FRMD4A: variants seen among roughly 807,000 people sequenced by gnomAD.
The protein encoded by FRMD4A is FERM domain containing 4A.
Under a neutral mutation model 129.1 loss-of-function variants are expected in FRMD4A, and 29 were observed. The observed-to-expected ratio is 0.22, with a 90% CI of 0.17 to 0.31. The LOEUF is 0.31. FRMD4A is among the 10% of genes least tolerant of loss of function. The pLI is 1.00. For synonymous variants in FRMD4A, 634 were observed against 571.6 expected (o/e 1.11, Z -1.56); for missense variants, 1,272 against 1,375.8 (o/e 0.92, Z 1.19).
At chr10:13,969,075 T>C (rs2095502505) in intron 2 of FRMD4A, among the ~76,000 whole-genome samples, 1 of 152,196 alleles carries the variant, frequency 6.6e-6, no homozygotes, top group Non-Finnish European at 1.5e-5. Flanking sequence ...GTTGGTAATC[T>C]TGGACCTCCT....
In FRMD4A at chr10:13,789,247, T is replaced by C. The variant is rs557861587; in HGVS notation, c.300-6241A>G. Among the ~76,000 whole-genome samples, 121 of 152,308 alleles carry C rather than the reference T, an allele frequency of 7.9e-4. 3 individuals carry two copies. In the South Asian group the frequency reaches 0.023, roughly 30 times the overall value. ...TTTTAGATCCATGCCATCATTGTTA[T>C]TGCGAGTGACAGGAAGTAGCAGCTG... is the stretch of plus-strand genomic sequence containing the variant. On this transcript the variant is annotated intron_variant, in intron 5 of 24. Transcript: ENST00000357447.
intron 14 of FRMD4A, among the ~76,000 whole-genome samples, chr10:13,699,416 T>C (rs1323212432): frequency 1.3e-5 from 2 of 151,828 alleles, no homozygotes; most frequent in Non-Finnish European, 2.9e-5. Flanking sequence ...TGTCAGTGAG[T>C]TGACCTGTTA....
At chr10:13,846,222 T>C (rs1727701477) in intron 3 of FRMD4A, among the ~76,000 whole-genome samples, 1 of 152,222 alleles carries the variant, frequency 6.6e-6, no homozygotes, top group African/African-American at 2.4e-5. Context: ...AAATTCAGGT[T>C]CAATCTATTA....
intron 2 of FRMD4A, among the ~76,000 whole-genome samples, chr10:13,881,289 G>T (rs182369236): frequency 1.2e-3 from 185 of 151,940 alleles, no homozygotes; most frequent in Admixed American, 0.011. Flanking sequence ...TGGGCATGGT[G>T]GTGCATGCCT....
At chr10:14,160,891 G>A (rs1368965137) in intron 2 of FRMD4A, among the ~76,000 whole-genome samples, 2 of 152,174 alleles carry the variant, frequency 1.3e-5, no homozygotes, top group African/African-American at 2.4e-5. Context: ...GTGGAGAAAA[G>A]GGAATTCACA....
chr10:14,088,640 T>C (rs1036480586), intron 2 of FRMD4A, among the ~76,000 whole-genome samples: 6 of 151,456 alleles, frequency 4.0e-5, no homozygotes, highest in African/African-American at 1.5e-4. Flanking sequence ...TGATGGCGCA[T>C]GCCTGTGGTC....
intron 2 of FRMD4A, chr10:13,971,924 A>T (rs1183593954): frequency 8.1e-7 from 1 of 1,235,732 alleles, no homozygotes; most frequent in Admixed American, 2.6e-5. Flanking sequence ...ATGCAGTCCA[A>T]ATAACTCTGA....
chr10:14,176,320 T>C (rs909252867), intron 2 of FRMD4A, among the ~76,000 whole-genome samples: 1 of 152,198 alleles, frequency 6.6e-6, no homozygotes, highest in African/African-American at 2.4e-5. Flanking sequence ...TCTGTGGGAT[T>C]GCAAACCTTC....
chr10:14,207,681 G>C (rs1842823733), intron 2 of FRMD4A, among the ~76,000 whole-genome samples: 1 of 128,056 alleles, frequency 7.8e-6, no homozygotes, highest in Non-Finnish European at 1.7e-5. Flanking sequence ...AATCATCCTA[G>C]GTAACCACAC....
rs546420366 is a variant in FRMD4A, at chr10:13,830,673, G to A, written c.112-19765C>T. On this transcript the variant is annotated intron_variant, in intron 3 of 24. Coordinates refer to ENST00000357447, the MANE Select transcript of FRMD4A (RefSeq NM_018027.5). ...GGGAGGCCTTGCCCTACTTACCAGA[G>A]AAAGCAAAGCGGGAGGTGTAGAGAA... 6.6e-5 allele frequency among the ~76,000 whole-genome samples: 10 copies of A among 152,338 alleles called. No individual in the cohort carries two copies. In the East Asian group the frequency reaches 1.9e-3, roughly 29 times the overall value.
At chr10:14,167,218 G>A (rs1841229530) in intron 2 of FRMD4A, among the ~76,000 whole-genome samples, 1 of 152,072 alleles carries the variant, frequency 6.6e-6, no homozygotes, top group African/African-American at 2.4e-5. Flanking sequence ...TCATATATAT[G>A]CCAATAAAGT....
At chr10:14,040,752 C>G (rs1362785318) in intron 2 of FRMD4A, among the ~76,000 whole-genome samples, 1 of 152,196 alleles carries the variant, frequency 6.6e-6, no homozygotes, top group Non-Finnish European at 1.5e-5. Flanking sequence ...CTCCTTCCCT[C>G]TCTGCAAATG....
Position 13,660,396 on chromosome 10 carries a change from G to C in FRMD4A, c.1818C>G (p.Ile606Met), listed in dbSNP as rs763753922. 1.9e-6 allele frequency: 3 copies of C among 1,614,042 alleles called. No homozygotes were observed. The highest frequency in any genetic ancestry group is 2.7e-5 in the African/African-American group (2 of 74,938). Reference sequence around the variant, plus strand: ...AGGACTCACTCCACATTTTGGGCTTGATGGGTGACTTGTCATAGTCGTTGC... The same window carrying C: ...AGGACTCACTCCACATTTTGGGCTTCATGGGTGACTTGTCATAGTCGTTGC... ...YHRNDYDKSP[I>M]KPKMWSESSL... Residue 606 changes from isoleucine to methionine, a missense_variant, in exon 20 of 25, where the codon ATC becomes ATG. Physicochemically the swap from Ile to Met is conservative, Grantham distance 10 (BLOSUM62 1). This residue lies in a region of FRMD4A where 972 missense variants were observed against 892.3 expected (regional missense o/e 1.09). Coordinates refer to ENST00000357447, the MANE Select transcript of FRMD4A (RefSeq NM_018027.5).
At chr10:13,740,313 G>A in intron 10 of FRMD4A, 62 bp from the exon 11 acceptor site, 1 of 1,116,208 alleles carries the variant, frequency 9.0e-7, no homozygotes, top group South Asian at 1.3e-5. Context: ...TAGTTATTCA[G>A]CAGATCTGGT....
intron 2 of FRMD4A, among the ~76,000 whole-genome samples, chr10:13,997,022 CAAAACAA>C (rs986723177): frequency 1.5e-5 from 2 of 131,440 alleles, no homozygotes; most frequent in African/African-American, 7.5e-5. Flanking sequence ...CAAAACAAAA[CAAAACAA>C]AACAGGTTTT....
At chr10:13,813,009 C>T (rs2093475473) in intron 3 of FRMD4A, among the ~76,000 whole-genome samples, 1 of 152,230 alleles carries the variant, frequency 6.6e-6, no homozygotes, top group Admixed American at 6.5e-5. Flanking sequence ...AAGATGGGTG[C>T]TCTTGAAGCT....
At chr10:13,694,062 T>A (rs1257601060) in intron 14 of FRMD4A, 23 bp from the exon 15 acceptor site, 11 of 1,498,972 alleles carry the variant, frequency 7.3e-6, no homozygotes, top group Non-Finnish European at 9.8e-6. Context: ...GGGAAGCAGG[T>A]CAAAGAAGTG....
At chr10:14,192,677 A>ACAATAAG (rs1842354070) in intron 2 of FRMD4A, among the ~76,000 whole-genome samples, 1 of 152,218 alleles carries the variant, frequency 6.6e-6, no homozygotes, top group African/African-American at 2.4e-5. Context: ...ACAGTATTAT[A>ACAATAAG]CAATAAGCTC....
rs531976621 is a variant in FRMD4A, at chr10:13,862,517, G to T, written c.46-3605C>A. 3.3e-5 allele frequency among the ~76,000 whole-genome samples: 5 copies of T among 152,292 alleles called. No individual in the cohort carries two copies. The South Asian group carries it at 1.0e-3, about 32-fold the overall frequency. ...GAAGTAACTATTTATCATGATGTTA[G>T]TATCCACCCTAGGTCTTCCAATTTC... On this transcript the variant is annotated intron_variant, in intron 2 of 24. Coordinates refer to ENST00000357447, the MANE Select transcript of FRMD4A (RefSeq NM_018027.5).
Sources: allele counts gnomAD v4.1 joint callset (sites outside exome capture counted in the v4.1 genomes callset), GRCh38; gene constraint gnomAD v4.1.1; regional missense constraint gnomAD v4.1.1; transcripts MANE v1.5; gene names NCBI Gene and HGNC (gene_info 2026-07-23, HGNC 2026-07-21).